Variants in EGFR observed in about 807,000 individuals in gnomAD.
EGFR encodes the protein epidermal growth factor receptor.
EGFR carries 58 observed loss-of-function variants against 143.0 expected under a neutral mutation model. The ratio of observed to expected loss-of-function variants is 0.41; its 90% CI spans 0.33 to 0.50. EGFR has a LOEUF of 0.50. EGFR is among the 20% of genes least tolerant of loss of function. The pLI, the probability that EGFR is intolerant of heterozygous loss-of-function variation, is 0.39. For missense variants in EGFR, 1,307 were observed against 1,579.0 expected (o/e 0.83, Z 2.92); for synonymous variants, 613 against 594.4 (o/e 1.03, Z -0.45).
intron 1 of EGFR, among the ~76,000 whole-genome samples, chr7:55,119,554 G>A (rs962130007): frequency 6.6e-6 from 1 of 152,204 alleles, no homozygotes; most frequent in South Asian, 2.1e-4. Flanking sequence ...TGTTCAGAAT[G>A]TAATATCTCT....
chr7:55,198,752 A>C lies in EGFR; in HGVS notation c.2737A>C (p.Lys913Gln), dbSNP rs2128968685. 1 of 1,614,222 alleles carries C rather than the reference A, an allele frequency of 6.2e-7. No individual in the cohort carries two copies. Among genetic ancestry groups the C allele is most frequent in the Non-Finnish European group, 8.5e-7 (1 of 1,180,026 alleles). ...TTGGGAGTTGATGACCTTTGGATCC[A>C]AGCCATATGACGGAATCCCTGCCAG... ...TVWELMTFGS[K>Q]PYDGIPASEI... The change falls in exon 23 of 28, where the codon AAG becomes CAG. Residue 913 changes from lysine to glutamine, a missense_variant. Physicochemically the swap from Lys to Gln is moderately conservative, Grantham distance 53. This residue lies in a region of EGFR where 348 missense variants were observed against 451.5 expected (regional missense o/e 0.77). Coordinates refer to ENST00000275493, the MANE Select transcript of EGFR (RefSeq NM_005228.5).
chr7:55,129,932 C>T (rs1418732255), intron 1 of EGFR, among the ~76,000 whole-genome samples: 3 of 152,222 alleles, frequency 2.0e-5, no homozygotes, highest in African/African-American at 4.8e-5. Context: ...CTGTGGGTCA[C>T]GCCTAGCCTG....
chr7:55,116,994 C>T (rs1792895311), intron 1 of EGFR, among the ~76,000 whole-genome samples: 1 of 152,172 alleles, frequency 6.6e-6, no homozygotes, highest in African/African-American at 2.4e-5. Context: ...GTTTGCATTT[C>T]TGTTGGGTAC....
At chr7:55,087,484 G>A (rs1025699786) in intron 1 of EGFR, among the ~76,000 whole-genome samples, 8 of 152,152 alleles carry the variant, frequency 5.3e-5, no homozygotes, top group Non-Finnish European at 8.8e-5. Flanking sequence ...CTATGCACCC[G>A]AAGGGATAAG....
intron 1 of EGFR, among the ~76,000 whole-genome samples, chr7:55,090,641 C>T (rs1258605615): frequency 6.6e-6 from 1 of 152,146 alleles, no homozygotes; most frequent in African/African-American, 2.4e-5. Flanking sequence ...CGTACTAAAC[C>T]CTGATTGAAA....
chr7:55,064,901 C>G (rs1427095805), intron 1 of EGFR, among the ~76,000 whole-genome samples: 1 of 152,164 alleles, frequency 6.6e-6, no homozygotes, highest in African/African-American at 2.4e-5. Context: ...ACCAATAGCC[C>G]AAGAGATGGG....
chr7:55,200,763 C>A (rs1432138427), intron 24 of EGFR: 1 of 487,186 alleles, frequency 2.1e-6, no homozygotes, highest in East Asian at 3.6e-5. Flanking sequence ...CTCTCCACTT[C>A]TTCGCATCAC....
At chr7:55,083,566 C>G (rs1790591048) in intron 1 of EGFR, among the ~76,000 whole-genome samples, 1 of 152,156 alleles carries the variant, frequency 6.6e-6, no homozygotes, top group Admixed American at 6.5e-5. Flanking sequence ...ATAACCAAAA[C>G]AGGCACATGG....
At chr7:55,073,846 A>G (rs1460832714) in intron 1 of EGFR, among the ~76,000 whole-genome samples, 1 of 152,224 alleles carries the variant, frequency 6.6e-6, no homozygotes, top group Non-Finnish European at 1.5e-5. Context: ...TTCTCAACAT[A>G]TATTTTTCTT....
intron 1 of EGFR, among the ~76,000 whole-genome samples, chr7:55,117,886 A>G (rs1792965694): frequency 6.6e-6 from 1 of 152,134 alleles, no homozygotes; most frequent in South Asian, 2.1e-4. Flanking sequence ...TGCAATTAGA[A>G]CTTCAGTGCT....
At chr7:55,193,666 T>C (rs1258949308) in intron 22 of EGFR, among the ~76,000 whole-genome samples, 1 of 152,244 alleles carries the variant, frequency 6.6e-6, no homozygotes, top group Non-Finnish European at 1.5e-5. Context: ...CCCAGCCATC[T>C]ACAGCGACAG....
intron 19 of EGFR, among the ~76,000 whole-genome samples, 163 bp downstream of exon 19, chr7:55,174,983 C>A (rs1271546282): frequency 6.6e-6 from 1 of 152,176 alleles, no homozygotes; most frequent in African/African-American, 2.4e-5. Flanking sequence ...ATAACTCCCT[C>A]CCCTTAGAGA....
At chr7:55,061,685 T>C (rs1789192628) in intron 1 of EGFR, among the ~76,000 whole-genome samples, 2 of 151,382 alleles carry the variant, frequency 1.3e-5, no homozygotes, top group Admixed American at 6.6e-5. Context: ...TGTAAACATA[T>C]ATCTCTGTGA....
intron 7 of EGFR, 22 bp downstream of exon 7, chr7:55,154,174 C>T (rs1183512657): frequency 6.2e-7 from 1 of 1,614,212 alleles, no homozygotes; most frequent in Middle Eastern, 1.6e-4. Context: ...TCTGTGGGCC[C>T]TCTAACTGGT....
intron 1 of EGFR, among the ~76,000 whole-genome samples, chr7:55,048,500 A>G (rs1788305651): frequency 6.6e-6 from 1 of 152,194 alleles, no homozygotes; most frequent in African/African-American, 2.4e-5. Flanking sequence ...ATGCTTTCAA[A>G]GTGTTTTTGT....
chr7:55,108,896 C>T (rs779926437), intron 1 of EGFR, among the ~76,000 whole-genome samples: 5 of 152,198 alleles, frequency 3.3e-5, no homozygotes, highest in Non-Finnish European at 5.9e-5. Flanking sequence ...GAACTAAGCA[C>T]CTCAACACAG....
chr7:55,080,142 A>G (rs1452079151), intron 1 of EGFR, among the ~76,000 whole-genome samples: 1 of 152,088 alleles, frequency 6.6e-6, no homozygotes, highest in African/African-American at 2.4e-5. Flanking sequence ...TTTAGATGTA[A>G]ATCTGTGGCC....
At chr7:55,093,671 A>C (rs1791269537) in intron 1 of EGFR, among the ~76,000 whole-genome samples, 1 of 152,238 alleles carries the variant, frequency 6.6e-6, no homozygotes, top group Non-Finnish European at 1.5e-5. Context: ...TTTGAGGTGA[A>C]AACTGCACTT....
intron 1 of EGFR, among the ~76,000 whole-genome samples, chr7:55,021,566 A>G (rs545628250): frequency 6.6e-5 from 10 of 152,380 alleles, no homozygotes; most frequent in African/African-American, 2.4e-4. Context: ...ACGCTATTCC[A>G]TTACAGTAAC....
Sources: allele counts gnomAD v4.1 joint callset (sites outside exome capture counted in the v4.1 genomes callset), GRCh38; gene constraint gnomAD v4.1.1; regional missense constraint gnomAD v4.1.1; transcripts MANE v1.5; gene names NCBI Gene and HGNC (gene_info 2026-07-23, HGNC 2026-07-21).